The following BCOR variants were observed in gnomAD, a reference collection of about 807,000 sequenced individuals.
The protein encoded by BCOR is BCL6 corepressor.
In BCOR, 10 loss-of-function variants were observed where a neutral mutation model predicts 86.7. That is an observed-to-expected ratio of 0.12 (90% confidence interval 0.07 to 0.20). The LOEUF (loss-of-function observed/expected upper bound fraction) is 0.20, where lower values mean the gene tolerates loss of function less well. Among genes scored for constraint, BCOR ranks in the 10% least tolerant of loss-of-function variants. The pLI, the probability that BCOR is intolerant of heterozygous loss-of-function variation, is 1.00. For synonymous variants in BCOR, 611 were observed against 609.0 expected (o/e 1.00, Z -0.05); for missense variants, 1,259 against 1,452.1 (o/e 0.87, Z 2.16).
At position 40,062,758 on chromosome X, in the gene BCOR, A is replaced by G; in HGVS notation, c.4161T>C (p.Asn1387=). The G allele has an allele frequency of 2.5e-6, 3 of 1,211,037 alleles. No individual in the cohort carries two copies. Among genetic ancestry groups the G allele is most frequent in the Middle Eastern group, 2.3e-4 (1 of 4,355 alleles). The change falls in exon 9 of 15, where the codon AAT becomes AAC. Residue 1387 remains asparagine (N), a synonymous_variant. Coordinates refer to ENST00000378444, the MANE Select transcript of BCOR (RefSeq NM_001123385.2). The part of the protein sequence containing the change: ...LPLTGEYYVE[N]ADGKVTVRRF... ...GGTCAAGAGGTACCTTGCCATCGGC[A>G]TTCTCCACGTAGTATTCCCCTGTCA... is the stretch of plus-strand genomic sequence containing the variant.
intron 1 of BCOR, among the ~76,000 whole-genome samples, chrX:40,158,407 C>T (rs1294570668): frequency 8.9e-6 from 1 of 112,083 alleles, no homozygotes; most frequent in African/African-American, 3.2e-5. Context: ...CCGGGGCTGC[C>T]GCGCGGGCGT....
intron 1 of BCOR, among the ~76,000 whole-genome samples, chrX:40,111,151 A>T (rs1279905350): frequency 9.0e-6 from 1 of 111,309 alleles, no homozygotes; most frequent in Non-Finnish European, 1.9e-5. Context: ...AGGATCTCAC[A>T]CTGTTTTAAG....
chrX:40,149,353 A>G (rs985905043), intron 1 of BCOR, among the ~76,000 whole-genome samples: 8 of 111,325 alleles, frequency 7.2e-5, no homozygotes, highest in Admixed American at 2.9e-4. Flanking sequence ...GGATATTAAA[A>G]ATCAATAGCT....
At chrX:40,063,998 G>T in intron 7 of BCOR, 46 bp from the exon 8 acceptor site, 1 of 797,565 alleles carries the variant, frequency 1.3e-6, no homozygotes, top group South Asian at 2.4e-5. Context: ...CCCCCGGGGG[G>T]GAACAAACTG....
intron 3 of BCOR, among the ~76,000 whole-genome samples, chrX:40,075,897 C>T (rs966873183): frequency 1.8e-5 from 2 of 112,520 alleles, no homozygotes; most frequent in Non-Finnish European, 3.8e-5. Flanking sequence ...TTCACACTAA[C>T]CCTCCCTGGG....
rs1477193527 is a variant in BCOR, at chrX:40,052,132, G to C, written c.5245C>G (p.Leu1749Val). The change falls in exon 15 of 15, where the codon CTG (leucine) becomes GTG (valine). Residue 1749 changes from leucine to valine, a missense_variant. Transcript: ENST00000378444. ...GCTCACCAGTAGTTGTCTGAGGCCA[G>C]ATCACTGGGGTGGAGCCACTCTACA... is the stretch of plus-strand genomic sequence containing the variant. ...SSVEWLHPSD[L>V]ASDNYW 35 of 1,199,532 alleles carry C rather than the reference G, an allele frequency of 2.9e-5. No individual in the cohort carries two copies. The highest frequency in any genetic ancestry group is 3.7e-5 in the Non-Finnish European group (33 of 888,792).
intron 1 of BCOR, among the ~76,000 whole-genome samples, chrX:40,118,623 C>A (rs1253430227): frequency 8.9e-6 from 1 of 111,790 alleles, no homozygotes. Flanking sequence ...CCCTTCACCC[C>A]CTCTTAACCG....
At chrX:40,153,207 CA>C (rs1196132430) in intron 1 of BCOR, among the ~76,000 whole-genome samples, 2 of 112,939 alleles carry the variant, frequency 1.8e-5, no homozygotes, top group Non-Finnish European at 3.8e-5. Context: ...GCTTTCTGCA[CA>C]CCTCCGCCCT....
At chrX:40,071,777 G>C in intron 4 of BCOR, 87 bp from the exon 5 acceptor site, 1 of 648,372 alleles carries the variant, frequency 1.5e-6, no homozygotes, top group Non-Finnish European at 2.5e-6. Flanking sequence ...TCTTAACATT[G>C]CAAAACAATT....
chrX:40,071,406 TATCCAC>T (rs1935472696), intron 5 of BCOR, among the ~76,000 whole-genome samples: 1 of 112,141 alleles, frequency 8.9e-6, no homozygotes, highest in Non-Finnish European at 1.9e-5. Flanking sequence ...TGTGTATGTA[TATCCAC>T]ACATACACTA....
chrX:40,152,283 C>A (rs1349022058), intron 1 of BCOR, among the ~76,000 whole-genome samples: 1 of 111,728 alleles, frequency 9.0e-6, no homozygotes, highest in African/African-American at 3.3e-5. Context: ...GCGCTCTTCA[C>A]CCCTCCCCAC....
rs1935690628 is a variant in BCOR, at chrX:40,074,582, G to A, written c.764C>T (p.Pro255Leu). 10 of 1,211,984 alleles carry A rather than the reference G, an allele frequency of 8.3e-6. No individual in the cohort carries two copies. Among genetic ancestry groups the A allele is most frequent in the Non-Finnish European group, 1.0e-5 (9 of 895,433 alleles). Reference sequence around the variant, plus strand: ...TGATGCCAAGGACGATGGGATGTGGGGACCGACGTAGTGAGGTGGCGGCAG... The same window carrying A: ...TGATGCCAAGGACGATGGGATGTGGAGACCGACGTAGTGAGGTGGCGGCAG... ...LYLPPPHYVG[P>L]HIPSSLASPM... Residue 255 changes from proline (P) to leucine (L), a missense_variant, in exon 4 of 15, where the codon CCC becomes CTC. Around this residue, in one of 7 missense-constraint regions of BCOR, gnomAD observed 534 missense variants for 594.8 expected, o/e 0.90. Coordinates refer to ENST00000378444, the MANE Select transcript of BCOR (RefSeq NM_001123385.2).
rs756003687 is a variant in BCOR at position 40,076,442 on chromosome X, T to C, written c.165+12A>G. 8.6e-7 allele frequency: 1 copy of C among 1,166,681 alleles called. No homozygotes were observed. Among genetic ancestry groups the C allele is most frequent in the African/African-American group, 1.8e-5 (1 of 56,305 alleles). On this transcript the variant is annotated intron_variant, in intron 3 of 14. Coordinates refer to ENST00000378444, the MANE Select transcript of BCOR (RefSeq NM_001123385.2). Reference sequence around the variant, plus strand: ...GCAGATATGGCATCAACAGAAGCTATTAATCTCTTACCACGTTGTGGTTCA... The same window carrying C: ...GCAGATATGGCATCAACAGAAGCTACTAATCTCTTACCACGTTGTGGTTCA...
At chrX:40,062,041 G>A in intron 10 of BCOR, 98 bp downstream of exon 10, 2 of 1,066,326 alleles carry the variant, frequency 1.9e-6, no homozygotes, top group Non-Finnish European at 2.5e-6. Flanking sequence ...ATGTGGAGGG[G>A]GCTGAGCTCT....
chrX:40,083,036 G>T (rs1179993579), intron 1 of BCOR, among the ~76,000 whole-genome samples: 1 of 108,403 alleles, frequency 9.2e-6, no homozygotes, highest in African/African-American at 3.4e-5. Flanking sequence ...AACAGAGACT[G>T]CGTCACAGCA....
intron 1 of BCOR, among the ~76,000 whole-genome samples, chrX:40,096,991 C>G (rs988125724): frequency 8.8e-6 from 1 of 113,356 alleles, no homozygotes; most frequent in Admixed American, 9.2e-5. Flanking sequence ...CCCTCCCTCC[C>G]TGGTGCCCAC....
chrX:40,083,557 T>A (rs1326865904), intron 1 of BCOR, among the ~76,000 whole-genome samples: 1 of 109,835 alleles, frequency 9.1e-6, no homozygotes, highest in East Asian at 2.9e-4. Flanking sequence ...GGGCTGGGAG[T>A]GAACTTGGCC....
chrX:40,110,548 C>T (rs868519072), intron 1 of BCOR, among the ~76,000 whole-genome samples: 1 of 108,920 alleles, frequency 9.2e-6, no homozygotes, highest in South Asian at 3.9e-4. Flanking sequence ...ACTCAGGGAA[C>T]TTCTGGAACT....
intron 1 of BCOR, among the ~76,000 whole-genome samples, chrX:40,168,957 G>A (rs1004009245): frequency 3.6e-5 from 4 of 112,371 alleles, no homozygotes; most frequent in Non-Finnish European, 7.5e-5. Flanking sequence ...GCGAAGCTGC[G>A]CGCAGGCTGC....
Sources: gnomAD v4.1 joint callset for allele counts (sites outside exome capture counted in the v4.1 genomes callset) on GRCh38, gnomAD v4.1.1 for gene constraint, gnomAD v4.1.1 regional missense constraint, MANE v1.5 for transcripts, NCBI Gene and HGNC (gene_info 2026-07-23, HGNC 2026-07-21) for gene names.